Variants in FOXK2 observed in about 807,000 individuals in gnomAD.
The protein encoded by FOXK2 is forkhead box protein K2.
A neutral mutation model predicts 53.3 loss-of-function variants in FOXK2; 24 were observed. That is an observed-to-expected ratio of 0.45 (90% confidence interval 0.33 to 0.63). FOXK2 has a LOEUF of 0.63. Ranked by LOEUF, FOXK2 falls within the 30% of genes least tolerant of loss-of-function variation. The probability of loss-of-function intolerance (pLI) is 0.03; values close to 1 mark genes in which losing one functional copy is unlikely to be tolerated. For synonymous variants in FOXK2, 505 were observed against 407.1 expected (o/e 1.24, Z -2.89); for missense variants, 952 against 910.5 (o/e 1.05, Z -0.59).
chr17:82,520,542 C>A (rs1319634552), intron 1 of FOXK2, among the ~76,000 whole-genome samples: 1 of 152,222 alleles, frequency 6.6e-6, no homozygotes, highest in Non-Finnish European at 1.5e-5. Context: ...GTCTTTCCCC[C>A]TTCCTGGAGC....
Position 82,595,919 on chromosome 17 carries a change from G to A in FOXK2, c.1787-5384G>A, listed in dbSNP as rs149960594. 2.4e-6 allele frequency: 3 copies of A among 1,270,232 alleles called. No homozygotes were observed. The African/African-American group carries it at 4.6e-5, about 19-fold the overall frequency. 78.7% of individuals were successfully genotyped at this position (1,270,232 alleles called of 1,614,324 possible). On this transcript the variant is annotated intron_variant, in intron 8 of 8. Coordinates refer to ENST00000335255, the MANE Select transcript of FOXK2 (RefSeq NM_004514.4). ...AGCCTTTTCCGGCAGCCCGGAACCT[G>A]GGATGAGAAACGACAGGTGGAAGGT... is the stretch of plus-strand genomic sequence containing the variant.
intron 3 of FOXK2, among the ~76,000 whole-genome samples, chr17:82,569,924 A>C (rs956932207): frequency 1.3e-5 from 2 of 151,056 alleles, no homozygotes; most frequent in African/African-American, 4.9e-5. Context: ...TTTTCTGTTT[A>C]AAAAAAAAAG....
intron 2 of FOXK2, among the ~76,000 whole-genome samples, chr17:82,566,431 CTT>C (rs1456297603): frequency 1.3e-5 from 2 of 152,124 alleles, no homozygotes; most frequent in African/African-American, 4.8e-5. Context: ...TGCCCTCTCT[CTT>C]GGCTGAATTT....
chr17:82,535,129 C>G (rs916144371), intron 1 of FOXK2, among the ~76,000 whole-genome samples: 2 of 152,234 alleles, frequency 1.3e-5, no homozygotes, highest in Non-Finnish European at 2.9e-5. Flanking sequence ...ATCCACCTGC[C>G]TCAGCCTCCT....
In FOXK2 at chr17:82,601,356, C is replaced by G; in HGVS notation, c.1840C>G (p.Leu614Val). The G allele has an allele frequency of 6.2e-7, 1 of 1,613,438 alleles. No homozygotes were observed. Among genetic ancestry groups the G allele is most frequent in the Non-Finnish European group, 8.5e-7 (1 of 1,180,034 alleles). Residue 614 changes from leucine to valine, a missense_variant, in exon 9 of 9, where the codon CTG (leucine) becomes GTG (valine). By Grantham distance (32) the Leu-to-Val change is conservative (BLOSUM62 1). Coordinates refer to ENST00000335255, the MANE Select transcript of FOXK2 (RefSeq NM_004514.4). Reference protein sequence around the residue: ...LATHASASASLPTKRHNGDQP... With the variant: ...LATHASASASVPTKRHNGDQP... ...AACACACGCATCCGCATCGGCCTCCCTGCCCACAAAGCGCCACAACGGTGA... is the reference window on the plus strand; with the variant it reads ...AACACACGCATCCGCATCGGCCTCCGTGCCCACAAAGCGCCACAACGGTGA...
At chr17:82,594,123 AG>A (rs2045284578) in intron 8 of FOXK2, among the ~76,000 whole-genome samples, 1 of 152,230 alleles carries the variant, frequency 6.6e-6, no homozygotes, top group East Asian at 1.9e-4. Flanking sequence ...TGCTGCGTGT[AG>A]TACCCACACA....
intron 8 of FOXK2, among the ~76,000 whole-genome samples, chr17:82,596,653 T>C (rs1285171169): frequency 1.8e-5 from 2 of 112,598 alleles, no homozygotes; most frequent in Non-Finnish European, 4.0e-5. Context: ...AAAAATCGCT[T>C]CAGCCATTCT....
intron 8 of FOXK2, among the ~76,000 whole-genome samples, chr17:82,594,945 C>T (rs1280727950): frequency 6.6e-6 from 1 of 152,264 alleles, no homozygotes; most frequent in East Asian, 1.9e-4. Context: ...GAGGCTAAGG[C>T]AGGGAGATCG....
At position 82,603,256 on chromosome 17, in the gene FOXK2, G is replaced by C. The variant is rs1890761632; in HGVS notation, c.*1757G>C. 6.6e-6 allele frequency: 1 copy of C among 152,256 alleles called. No individual in the cohort carries two copies. Among genetic ancestry groups the C allele is most frequent in the Admixed American group, 6.5e-5 (1 of 15,280 alleles). 9.4% of individuals were successfully genotyped at this position (152,256 alleles called of 1,614,324 possible). A position where few individuals can be genotyped will look rare whatever the true frequency, so the allele number is the denominator to read the frequency against. On this transcript the variant is annotated 3_prime_UTR_variant, in exon 9 of 9. Coordinates refer to ENST00000335255, the MANE Select transcript of FOXK2 (RefSeq NM_004514.4). ...TGGATCAGAGCCCCTCGGTGCAGCT[G>C]TCTGCATCTTCCAAGCACTTTACAG...
chr17:82,529,067 G>A (rs750603970), intron 1 of FOXK2, among the ~76,000 whole-genome samples: 1 of 152,210 alleles, frequency 6.6e-6, no homozygotes, highest in Admixed American at 6.5e-5. Context: ...GCCGCCTGTT[G>A]CGTAGCAACC....
At chr17:82,532,629 C>T (rs1379115485) in intron 1 of FOXK2, among the ~76,000 whole-genome samples, 1 of 152,016 alleles carries the variant, frequency 6.6e-6, no homozygotes, top group Non-Finnish European at 1.5e-5. Context: ...CTGTGTGGCC[C>T]AAGCTGGAGT....
chr17:82,563,364 AG>A lies in FOXK2; in HGVS notation c.432del (p.Arg144SerfsTer9), dbSNP rs1382211078. 1 of 1,612,906 alleles carries A rather than the reference AG, an allele frequency of 6.2e-7. No homozygotes were observed. Among genetic ancestry groups the A allele is most frequent in the Non-Finnish European group, 8.5e-7 (1 of 1,179,430 alleles). On this transcript the variant is annotated frameshift_variant, in exon 2 of 9. Transcript: ENST00000335255. LOFTEE classifies it high-confidence loss of function. Reference protein sequence around the residue: ...PLQLPRVCTFRFPSTNIKITF... With the variant: ...PLQLPRVCTFXFPSTNIKITF... ...GCTTTTCTTTTCCAGGTGCACATTC[AG>A]GTTCCCGAGCACAAACATCAAGATA... is the stretch of plus-strand genomic sequence containing the variant.
chr17:82,563,881 A>C (rs1338957943), intron 2 of FOXK2, among the ~76,000 whole-genome samples: 2 of 146,968 alleles, frequency 1.4e-5, no homozygotes, highest in Non-Finnish European at 3.0e-5. Flanking sequence ...CCTCCTGAGT[A>C]GCTAGGACTA....
intron 1 of FOXK2, among the ~76,000 whole-genome samples, chr17:82,551,329 TA>T (rs10717206): frequency 0.85 from 121,848 of 144,078 alleles, 49,950 homozygotes; most frequent in Middle Eastern, 0.9. Context: ...AAAAAAAAAT[TA>T]AAAAAAAAAT....
At chr17:82,572,109 G>GTGGA in intron 4 of FOXK2, 1 of 375,492 alleles carries the variant, frequency 2.7e-6, no homozygotes, top group Non-Finnish European at 4.7e-6. Flanking sequence ...CTTTACTGTT[G>GTGGA]TGGAAATTCA....
At chr17:82,541,721 TTTC>T (rs768967100) in intron 1 of FOXK2, among the ~76,000 whole-genome samples, 2 of 151,866 alleles carry the variant, frequency 1.3e-5, no homozygotes, top group African/African-American at 2.4e-5. Context: ...GGGTGATTTT[TTTC>T]TTAATAGATG....
At chr17:82,536,319 G>A (rs1003455058) in intron 1 of FOXK2, among the ~76,000 whole-genome samples, 1 of 152,128 alleles carries the variant, frequency 6.6e-6, no homozygotes, top group Admixed American at 6.6e-5. Flanking sequence ...CTGTTTCTTT[G>A]TGTGCCTTGT....
chr17:82,531,870 C>T (rs1051441980), intron 1 of FOXK2, among the ~76,000 whole-genome samples: 2 of 152,216 alleles, frequency 1.3e-5, no homozygotes, highest in African/African-American at 4.8e-5. Flanking sequence ...GAAGGAGTTT[C>T]GCTTTTGTCG....
chr17:82,553,550 C>T (rs986890103), intron 1 of FOXK2, among the ~76,000 whole-genome samples: 24 of 152,228 alleles, frequency 1.6e-4, no homozygotes, highest in Non-Finnish European at 2.6e-4. Context: ...CCAGCCATGC[C>T]GTCACTCCAC....
Sources: allele counts gnomAD v4.1 joint callset (sites outside exome capture counted in the v4.1 genomes callset), GRCh38; gene constraint gnomAD v4.1.1; transcripts MANE v1.5; gene names NCBI Gene and HGNC (gene_info 2026-07-23, HGNC 2026-07-21).